Variants in USP31 observed in about 807,000 individuals in gnomAD.
The protein encoded by USP31 is ubiquitin carboxyl-terminal hydrolase 31.
A neutral mutation model predicts 119.4 loss-of-function variants in USP31; 44 were observed. The ratio of observed to expected loss-of-function variants is 0.37; its 90% CI spans 0.29 to 0.47. The LOEUF (loss-of-function observed/expected upper bound fraction) is 0.47. USP31 is among the 20% of genes least tolerant of loss of function. USP31 has a pLI of 0.99. For synonymous variants in USP31, 749 were observed against 705.6 expected (o/e 1.06, Z -0.97); for missense variants, 1,643 against 1,730.2 (o/e 0.95, Z 0.89).
At chr16:23,076,191 T>C (rs888475989) in intron 13 of USP31, among the ~76,000 whole-genome samples, 11 of 151,488 alleles carry the variant, frequency 7.3e-5, no homozygotes, top group East Asian at 1.9e-4. Context: ...ACCTAGGTGA[T>C]GGGATGATCT....
intron 15 of USP31, among the ~76,000 whole-genome samples, chr16:23,070,687 C>T (rs376682060): frequency 6.6e-6 from 1 of 150,792 alleles, no homozygotes; most frequent in Non-Finnish European, 1.5e-5. Context: ...ACACTCCAGC[C>T]GGGAGACAGA....
chr16:23,122,943 G>C (rs891809566), intron 1 of USP31, among the ~76,000 whole-genome samples: 3 of 152,184 alleles, frequency 2.0e-5, no homozygotes, highest in African/African-American at 7.2e-5. Context: ...TAGGTTAACT[G>C]TATTTCAATA....
chr16:23,093,532 A>G (rs539394914), intron 6 of USP31, among the ~76,000 whole-genome samples: 6 of 152,338 alleles, frequency 3.9e-5, no homozygotes, highest in Admixed American at 3.9e-4. Context: ...ATGAAAAATA[A>G]ATGTTGGCAA....
chr16:23,105,991 G>T (rs1418206058), intron 4 of USP31, among the ~76,000 whole-genome samples: 1 of 152,110 alleles, frequency 6.6e-6, no homozygotes, highest in East Asian at 1.9e-4. Context: ...TGTGGATGAC[G>T]AACTGGGCCA....
chr16:23,129,939 G>T (rs576219038), intron 1 of USP31, among the ~76,000 whole-genome samples: 2 of 152,328 alleles, frequency 1.3e-5, no homozygotes, highest in East Asian at 3.9e-4. Flanking sequence ...AGCCAGCAAA[G>T]TAGTCAGGGG....
Position 23,062,791 on chromosome 16 carries a change from C to G in USP31, c.*5255G>C, listed in dbSNP as rs1899899176. 1.3e-5 allele frequency: 2 copies of G among 152,640 alleles called. No individual in the cohort carries two copies. The highest frequency in any genetic ancestry group is 6.5e-5 in the Admixed American group (1 of 15,280). The allele number at this position is 152,640 out of a possible 1,614,324, so 9.5% of individuals were successfully genotyped here. A position where few individuals can be genotyped will look rare whatever the true frequency, so the allele number is the denominator to read the frequency against. Reference sequence around the variant, plus strand: ...CAAGCTCCCCAACTGGGCCTTGAATCAGAAGGGCCCTTGTATTTCAAATGG... The same window carrying G: ...CAAGCTCCCCAACTGGGCCTTGAATGAGAAGGGCCCTTGTATTTCAAATGG... On this transcript the variant is annotated 3_prime_UTR_variant, in exon 16 of 16. Coordinates refer to ENST00000219689, the MANE Select transcript of USP31 (RefSeq NM_020718.4).
In USP31 at chr16:23,108,039, T is replaced by C. The variant is rs1725187862; in HGVS notation, c.771+7A>G. On this transcript the variant is annotated splice_region_variant and intron_variant, in intron 2 of 15. Transcript: ENST00000219689. The stretch of plus-strand genomic sequence containing the variant: ...GCTGACTGCCCTAGGGCAGCATGCG[T>C]CCTTACCTTCAGAGGAGGCTGGCCA... 1 of 1,611,668 alleles carries C rather than the reference T, an allele frequency of 6.2e-7. No homozygotes were observed. Among genetic ancestry groups the C allele is most frequent in the East Asian group, 2.2e-5 (1 of 44,818 alleles).
intron 6 of USP31, among the ~76,000 whole-genome samples, chr16:23,101,999 A>G (rs534192888): frequency 2.7e-5 from 4 of 147,318 alleles, no homozygotes; most frequent in South Asian, 2.2e-4. Context: ...AAAAAAACCT[A>G]TGGCATAGTA....
chr16:23,120,683 A>G (rs1202549558), intron 1 of USP31, among the ~76,000 whole-genome samples: 1 of 152,260 alleles, frequency 6.6e-6, no homozygotes, highest in Non-Finnish European at 1.5e-5. Context: ...CTGAGCAAGT[A>G]AAAGAAGGTA....
Position 23,064,290 on chromosome 16 carries a change from CT to C in USP31, c.*3755del, listed in dbSNP as rs1460845299. ...GAATGAAATGTAACGTCTGATGCCC[CT>C]CTATGTGAAATAAAGCACGCTTATT... On this transcript the variant is annotated 3_prime_UTR_variant, in exon 16 of 16. Coordinates refer to ENST00000219689, the MANE Select transcript of USP31 (RefSeq NM_020718.4). The C allele has an allele frequency of 1.3e-5, 2 of 152,420 alleles. No individual in the cohort carries two copies. Among genetic ancestry groups the C allele is most frequent in the African/African-American group, 2.4e-5 (1 of 41,446 alleles). The allele number at this position is 152,420 out of a possible 1,614,324, so 9.4% of individuals were successfully genotyped here. A position where few individuals can be genotyped will look rare whatever the true frequency, so the allele number is the denominator to read the frequency against.
intron 1 of USP31, among the ~76,000 whole-genome samples, chr16:23,117,895 T>A (rs1902548291): frequency 1.3e-5 from 2 of 152,238 alleles, no homozygotes; most frequent in South Asian, 4.1e-4. Context: ...GTTCAAGCAA[T>A]TCTTCTGCCT....
At chr16:23,114,126 C>A (rs2141881815) in intron 1 of USP31, among the ~76,000 whole-genome samples, 1 of 151,666 alleles carries the variant, frequency 6.6e-6, no homozygotes. Context: ...AATGGTGATT[C>A]TTTGGTAAGG....
intron 1 of USP31, among the ~76,000 whole-genome samples, chr16:23,118,819 C>T (rs1393527773): frequency 6.6e-6 from 1 of 151,678 alleles, no homozygotes; most frequent in Non-Finnish European, 1.5e-5. Flanking sequence ...TAAAATTCAC[C>T]CTTAATGGCT....
rs1333955078 is a variant in USP31, at chr16:23,066,173, G to A, written c.*1873C>T. ...ACCAGGACAGCGAGTGAAGAAGTGAGTACAGGGCTGAGTGCAATGGACAAC... is the reference window on the plus strand; with the variant it reads ...ACCAGGACAGCGAGTGAAGAAGTGAATACAGGGCTGAGTGCAATGGACAAC... On this transcript the variant is annotated 3_prime_UTR_variant, in exon 16 of 16. Transcript: ENST00000219689. 6.6e-6 allele frequency: 1 copy of A among 152,394 alleles called. No individual in the cohort carries two copies. Among genetic ancestry groups the A allele is most frequent in the Non-Finnish European group, 1.5e-5 (1 of 68,058 alleles). 9.4% of individuals were successfully genotyped at this position (152,394 alleles called of 1,614,324 possible). A position where few individuals can be genotyped will look rare whatever the true frequency, so the allele number is the denominator to read the frequency against.
chr16:23,078,182 T>G (rs938314465), intron 13 of USP31, among the ~76,000 whole-genome samples: 28 of 151,604 alleles, frequency 1.8e-4, no homozygotes, highest in African/African-American at 4.4e-4. Flanking sequence ...TGTGGTGGTG[T>G]GTGCCTGTAG....
chr16:23,127,582 C>T (rs532885704), intron 1 of USP31, among the ~76,000 whole-genome samples: 1 of 152,064 alleles, frequency 6.6e-6, no homozygotes, highest in South Asian at 2.1e-4. Flanking sequence ...CCTGCCTCAG[C>T]CTCCCAAGTA....
At position 23,073,876 on chromosome 16, in the gene USP31, G is replaced by A. The variant is rs769988715; in HGVS notation, c.2181C>T (p.Tyr727=). The A allele has an allele frequency of 9.3e-6, 15 of 1,613,856 alleles. No individual in the cohort carries two copies. Among genetic ancestry groups the A allele is most frequent in the Non-Finnish European group, 1.3e-5 (15 of 1,180,026 alleles). Residue 727 remains tyrosine (Y), a synonymous_variant, in exon 14 of 16, where the codon TAC becomes TAT. Transcript: ENST00000219689. ...AGAGGCCGTCCACAGAGTTCTTACA[G>A]TACGCTGCCAAAGAGAGCCCGCCAT... ...GTMQGGHYTA[Y]CKNSVDGLWY... is the part of the protein sequence containing the mutation.
intron 7 of USP31, 142 bp downstream of exon 7, chr16:23,090,482 C>T (rs1035272045): frequency 1.1e-6 from 1 of 872,342 alleles, no homozygotes; most frequent in Non-Finnish European, 1.6e-6. Flanking sequence ...ATCAGGTCAA[C>T]TTGTACATGT....
At chr16:23,119,959 A>G (rs1232440485) in intron 1 of USP31, among the ~76,000 whole-genome samples, 4 of 152,160 alleles carry the variant, frequency 2.6e-5, no homozygotes, top group Non-Finnish European at 5.9e-5. Flanking sequence ...CCAATAGTCC[A>G]TCCTTCCCCG....
Sources: allele counts gnomAD v4.1 joint callset (sites outside exome capture counted in the v4.1 genomes callset), GRCh38; gene constraint gnomAD v4.1.1; transcripts MANE v1.5; gene names NCBI Gene and HGNC (gene_info 2026-07-23, HGNC 2026-07-21).